ZNF17: variants seen among roughly 807,000 people sequenced by gnomAD.
ZNF17 encodes the protein zinc finger protein 17 (HPF3, KOX 10).
ZNF17 carries 4 observed loss-of-function variants against 7.7 expected under a neutral mutation model. The observed-to-expected ratio is 0.52, with a 90% confidence interval of 0.26 to 1.20. The LOEUF (loss-of-function observed/expected upper bound fraction) is 1.20. ZNF17 is among the 50% of genes most tolerant of loss of function. The pLI, the probability that ZNF17 is intolerant of heterozygous loss-of-function variation, is 0.14. For missense variants in ZNF17, 738 were observed against 799.5 expected, an observed-to-expected ratio of 0.92 and a Z score of 0.93; for synonymous variants, 249 against 258.8, an observed-to-expected ratio of 0.96 and a Z score of 0.36.
Position 57,421,573 on chromosome 19 carries a change from T to A in ZNF17, c.*92T>A. 1 of 1,346,752 alleles carries A rather than the reference T, an allele frequency of 7.4e-7. No individual in the cohort carries two copies. Among genetic ancestry groups the A allele is most frequent in the Non-Finnish European group, 1.0e-6 (1 of 989,294 alleles). 83.4% of individuals were successfully genotyped at this position (1,346,752 alleles called of 1,614,324 possible). A position where few individuals can be genotyped will look rare whatever the true frequency, so the allele number is the denominator to read the frequency against. On this transcript the variant is annotated 3_prime_UTR_variant, in exon 4 of 4. Coordinates refer to ENST00000307658, the MANE Select transcript of ZNF17 (RefSeq NM_001330617.2). ...ACCTACGTTTTAAAAAAAGTATTCT[T>A]GTAGAATACAGATAACATAAAATCT...
intron 1 of ZNF17, chr19:57,413,272 C>T (rs2088790176): frequency 7.3e-6 from 2 of 275,000 alleles, no homozygotes; most frequent in Non-Finnish European, 1.4e-5. Flanking sequence ...CCCAAAATTT[C>T]AAAACCCTTC....
rs1313706485 is a variant in ZNF17, at chr19:57,421,028, A to G, written c.1542A>G (p.Thr514=). The G allele has an allele frequency of 1.9e-6, 3 of 1,613,928 alleles. No individual in the cohort carries two copies. The highest frequency in any genetic ancestry group is 1.3e-5 in the African/African-American group (1 of 74,890). ...ICGKSFRCRS[T]LDTHQRIHTG... The stretch of plus-strand genomic sequence containing the variant: ...GGAAATCCTTTAGATGTCGCTCCAC[A>G]CTTGATACACATCAGAGAATTCACA... Residue 514 remains threonine, a synonymous_variant, in exon 4 of 4, where the codon ACA becomes ACG. Transcript: ENST00000307658.
intron 1 of ZNF17, chr19:57,411,681 C>T: frequency 2.3e-6 from 3 of 1,327,830 alleles, no homozygotes; most frequent in Middle Eastern, 2.8e-4. Context: ...GGGAGGGCAG[C>T]GGAGCTGCTG....
intron 2 of ZNF17, 101 bp downstream of exon 2, chr19:57,413,737 C>A: frequency 1.4e-6 from 2 of 1,427,398 alleles, no homozygotes; most frequent in Non-Finnish European, 1.9e-6. Context: ...TTTCTTCTCT[C>A]TCCCTTGGGT....
intron 1 of ZNF17, among the ~76,000 whole-genome samples, chr19:57,412,170 C>G (rs569143300): frequency 6.6e-6 from 1 of 152,184 alleles, no homozygotes; most frequent in Non-Finnish European, 1.5e-5. Flanking sequence ...AGGAACTGGC[C>G]TAGGCTGGAG....
Position 57,420,873 on chromosome 19 carries a change from CAG to C in ZNF17, c.1392_1393del (p.Arg464SerfsTer9), listed in dbSNP as rs775090685. 8 of 1,614,106 alleles carry C rather than the reference CAG, an allele frequency of 5.0e-6. No individual in the cohort carries two copies. The highest frequency in any genetic ancestry group is 1.1e-5 in the South Asian group (1 of 91,078). On this transcript the variant is annotated frameshift_variant, in exon 4 of 4. Coordinates refer to ENST00000307658, the MANE Select transcript of ZNF17 (RefSeq NM_001330617.2). LOFTEE classifies it low-confidence loss of function (END_TRUNC). ...FRYCFTLNRH[Q>X]RVHSGERPYE... ...GTATTGCTTCACACTGAATAGACATCAGAGAGTTCACTCTGGAGAGAGGCCTT... is the reference window on the plus strand; with the variant it reads ...GTATTGCTTCACACTGAATAGACATCAGAGTTCACTCTGGAGAGAGGCCTT...
Position 57,411,331 on chromosome 19 carries a change from G to T in ZNF17, c.-96G>T, listed in dbSNP as rs1364773114. 19 of 1,593,266 alleles carry T rather than the reference G, an allele frequency of 1.2e-5. No individual in the cohort carries two copies. In the Admixed American group the frequency reaches 3.2e-4, roughly 26 times the overall value. ...TGCAGGCGTTGGTGCCTCTGTCAGC[G>T]TCCAGGTCACTGCCGCTCCCGCCCC... On this transcript the variant is annotated 5_prime_UTR_variant, in exon 1 of 4. Coordinates refer to ENST00000307658, the MANE Select transcript of ZNF17 (RefSeq NM_001330617.2).
Position 57,419,781 on chromosome 19 carries a change from C to A in ZNF17, c.295C>A (p.Leu99Ile). The change falls in exon 4 of 4, where the codon CTA becomes ATA. Residue 99 changes from leucine to isoleucine, a missense_variant. Physicochemically the swap from Leu to Ile is conservative, Grantham distance 5. Around this residue, in one of 3 missense-constraint regions of ZNF17, gnomAD observed 616 missense variants for 663.9 expected, o/e 0.93. Transcript: ENST00000307658. ...ETCSSLLKDI[L>I]HLAEHDGTHP... ...ATGTAGCTCACTTCTGAAGGACATTCTACACCTGGCTGAGCATGACGGAAC... is the reference window on the plus strand; with the variant it reads ...ATGTAGCTCACTTCTGAAGGACATTATACACCTGGCTGAGCATGACGGAAC... 1 of 1,614,222 alleles carries A rather than the reference C, an allele frequency of 6.2e-7. No homozygotes were observed. Among genetic ancestry groups the A allele is most frequent in the Non-Finnish European group, 8.5e-7 (1 of 1,180,036 alleles).
rs1285881175 is a variant in ZNF17 at position 57,421,131 on chromosome 19, A to G, written c.1645A>G (p.Asn549Asp). The G allele has an allele frequency of 2.5e-6, 4 of 1,613,886 alleles. No homozygotes were observed. The East Asian group carries it at 6.7e-5, about 27-fold the overall frequency. The change falls in exon 4 of 4, where the codon AAT (asparagine) becomes GAT (aspartate). Residue 549 changes from asparagine to aspartate, a missense_variant. Around this residue, in one of 3 missense-constraint regions of ZNF17, gnomAD observed 616 missense variants for 663.9 expected, o/e 0.93. Transcript: ENST00000307658. ...CTCAAATCATATTAGACATCGGAGA[A>G]ATCACTTTGGAGAAAGGTCTTTTGA... is the stretch of plus-strand genomic sequence containing the variant. ...HNSNHIRHRR[N>D]HFGERSFECT...
chr19:57,415,938 C>A (rs376570537), intron 2 of ZNF17, among the ~76,000 whole-genome samples: 32 of 151,886 alleles, frequency 2.1e-4, no homozygotes, highest in African/African-American at 7.7e-4. Flanking sequence ...CATTGCTAGT[C>A]CTGGGGTGGG....
intron 2 of ZNF17, among the ~76,000 whole-genome samples, chr19:57,416,740 C>G (rs1273823590): frequency 6.6e-6 from 1 of 151,570 alleles, no homozygotes; most frequent in African/African-American, 2.4e-5. Flanking sequence ...GAACTCCTAA[C>G]CTTGTGATCT....
rs773011699 is a variant in ZNF17 at position 57,420,489 on chromosome 19, A to C, written c.1003A>C (p.Asn335His). Residue 335 changes from asparagine (N) to histidine (H), a missense_variant, in exon 4 of 4, where the codon AAT becomes CAT. Physicochemically the swap from Asn to His is moderately conservative, Grantham distance 68. Transcript: ENST00000307658. ...IHTGERPYGC[N>H]ECGKYFMYSS... ...TACTGGAGAACGGCCTTATGGATGC[A>C]ATGAATGTGGGAAATACTTTATGTA... is the stretch of plus-strand genomic sequence containing the variant. 6.2e-7 allele frequency: 1 copy of C among 1,614,214 alleles called. No individual in the cohort carries two copies. Among genetic ancestry groups the C allele is most frequent in the Non-Finnish European group, 8.5e-7 (1 of 1,180,032 alleles).
chr19:57,416,038 T>C (rs1314382208), intron 2 of ZNF17, among the ~76,000 whole-genome samples: 1 of 151,804 alleles, frequency 6.6e-6, no homozygotes, highest in African/African-American at 2.4e-5. Flanking sequence ...AACATATACA[T>C]GTAGAAGGGG....
In ZNF17 at chr19:57,420,038, CT is replaced by C; in HGVS notation, c.555del (p.Gln186LysfsTer274). On this transcript the variant is annotated frameshift_variant, in exon 4 of 4. Coordinates refer to ENST00000307658, the MANE Select transcript of ZNF17 (RefSeq NM_001330617.2). LOFTEE classifies it low-confidence loss of function (END_TRUNC). ...PHRDTHGVEA[F>X]QSGQNNYSCT... ...ACAGGGACACTCATGGTGTGGAGGC[CT>C]TTCAAAGTGGACAGAATAATTACAG... The C allele has an allele frequency of 6.2e-7, 1 of 1,614,206 alleles. No individual in the cohort carries two copies. Among genetic ancestry groups the C allele is most frequent in the Non-Finnish European group, 8.5e-7 (1 of 1,180,050 alleles).
chr19:57,420,804 G>A lies in ZNF17; in HGVS notation c.1318G>A (p.Gly440Arg), dbSNP rs779758094. The change falls in exon 4 of 4, where the codon GGA becomes AGA. Residue 440 changes from glycine to arginine, a missense_variant. Physicochemically the swap from Gly to Arg is moderately radical, Grantham distance 125. This residue lies in a region of ZNF17 where 616 missense variants were observed against 663.9 expected (regional missense o/e 0.93). Transcript: ENST00000307658. Reference protein sequence around the residue: ...TLIIHQRVHTGEKPYECNKCG... With the variant: ...TLIIHQRVHTREKPYECNKCG... Reference sequence around the variant, plus strand: ...CATTATTCATCAGAGAGTTCATACTGGAGAAAAGCCTTATGAATGCAACAA... The same window carrying A: ...CATTATTCATCAGAGAGTTCATACTAGAGAAAAGCCTTATGAATGCAACAA... The A allele has an allele frequency of 9.9e-6, 16 of 1,614,032 alleles. No homozygotes were observed. The highest frequency in any genetic ancestry group is 1.2e-5 in the Non-Finnish European group (14 of 1,180,040).
In ZNF17 at chr19:57,411,240, G is replaced by C; in HGVS notation, c.-187G>C. ...GCTGAGTCGAGACTGAGGTGAAAAA[G>C]CGGAAAAACGCGAGAAAAGGTTTCC... On this transcript the variant is annotated 5_prime_UTR_variant, in exon 1 of 4. Transcript: ENST00000307658. 8.8e-7 allele frequency: 1 copy of C among 1,138,174 alleles called. No homozygotes were observed. The highest frequency in any genetic ancestry group is 1.6e-5 in the South Asian group (1 of 63,358). 70.5% of individuals were successfully genotyped at this position (1,138,174 alleles called of 1,614,324 possible). A position where few individuals can be genotyped will look rare whatever the true frequency, so the allele number is the denominator to read the frequency against.
At chr19:57,417,859 A>G (rs536092730) in intron 2 of ZNF17, 53 bp from the exon 3 acceptor site, 111 of 1,585,718 alleles carry the variant, frequency 7.0e-5, no homozygotes, top group African/African-American at 4.8e-4. Flanking sequence ...AAAAAAAAAA[A>G]AAAGAAAGAA....
At chr19:57,411,550 C>T (rs1480141595) in intron 1 of ZNF17, 144 bp downstream of exon 1, 4 of 1,436,816 alleles carry the variant, frequency 2.8e-6, no homozygotes, top group East Asian at 2.6e-5. Context: ...TGCTGTGAGG[C>T]GGGGGAGCTC....
rs745729926 is a variant in ZNF17, at chr19:57,418,051, C to T, written c.148+13C>T. 7 of 1,608,956 alleles carry T rather than the reference C, an allele frequency of 4.4e-6. No homozygotes were observed. In the Admixed American group the frequency reaches 1.0e-4, roughly 23 times the overall value. ...TTGTCCTCAGTAGGTAAGGCCCTGA[C>T]ACCTACGTCAGTGTCTTGTGCTGGG... On this transcript the variant is annotated intron_variant, in intron 3 of 3. Coordinates refer to ENST00000307658, the MANE Select transcript of ZNF17 (RefSeq NM_001330617.2).
Sources: allele counts gnomAD v4.1 joint callset (sites outside exome capture counted in the v4.1 genomes callset), GRCh38; gene constraint gnomAD v4.1.1; regional missense constraint gnomAD v4.1.1; transcripts MANE v1.5; gene names NCBI Gene and HGNC (gene_info 2026-07-23, HGNC 2026-07-21).